Variants in CHM observed in about 807,000 individuals in gnomAD.
CHM encodes rab proteins geranylgeranyltransferase component A 1.
A neutral mutation model predicts 49.0 loss-of-function variants in CHM; 10 were observed. That is an observed-to-expected ratio of 0.20 (90% CI 0.13 to 0.35). The LOEUF is 0.35. Ranked by LOEUF, CHM falls within the 10% of genes least tolerant of loss-of-function variation. CHM has a pLI of 1.00. For missense variants in CHM, 455 were observed against 478.4 expected, an observed-to-expected ratio of 0.95 and a Z score of 0.46; for synonymous variants, 184 against 167.5, an observed-to-expected ratio of 1.10 and a Z score of -0.76.
chrX:86,021,174 G>GTA (rs5902894), intron 2 of CHM, among the ~76,000 whole-genome samples: 102 of 69,342 alleles, frequency 1.5e-3, no homozygotes, highest in Non-Finnish European at 1.6e-3. Context: ...ATATATATGT[G>GTA]TATATATATA....
intron 2 of CHM, among the ~76,000 whole-genome samples, chrX:86,015,654 C>T (rs1480099803): frequency 8.9e-6 from 1 of 111,872 alleles, no homozygotes; most frequent in Non-Finnish European, 1.9e-5. Flanking sequence ...AAGGTCTGGG[C>T]GGAGGTGGCC....
chrX:85,997,120 C>A (rs1384897427), intron 2 of CHM, among the ~76,000 whole-genome samples: 1 of 111,579 alleles, frequency 9.0e-6, no homozygotes, highest in East Asian at 2.8e-4. Flanking sequence ...ATTTGTATTT[C>A]AAACATTTTC....
chrX:85,885,777 G>A (rs1231286890), intron 12 of CHM, among the ~76,000 whole-genome samples: 1 of 110,744 alleles, frequency 9.0e-6, no homozygotes, highest in African/African-American at 3.3e-5. Context: ...TAGGGCAAGG[G>A]AAGGCACTTG....
At chrX:85,866,891 C>T (rs1012272623) in intron 14 of CHM, among the ~76,000 whole-genome samples, 35 of 112,853 alleles carry the variant, frequency 3.1e-4, no homozygotes, top group African/African-American at 9.0e-4. Flanking sequence ...ATGCCTATAC[C>T]CCATCGTATC....
chrX:86,011,294 A>G (rs374278109), intron 2 of CHM, among the ~76,000 whole-genome samples: 1 of 111,759 alleles, frequency 8.9e-6, no homozygotes, highest in East Asian at 2.8e-4. Context: ...ATTATCAAAT[A>G]AGCCATCACT....
intron 2 of CHM, among the ~76,000 whole-genome samples, chrX:85,999,786 T>C (rs949956814): frequency 3.6e-5 from 4 of 111,986 alleles, no homozygotes; most frequent in African/African-American, 1.3e-4. Flanking sequence ...CACACAAAAA[T>C]AGAGCTCCCT....
chrX:86,007,306 C>T (rs140623045), intron 2 of CHM, among the ~76,000 whole-genome samples: 2 of 111,553 alleles, frequency 1.8e-5, no homozygotes. Context: ...CCATAAAAAC[C>T]CTAAAAGAAA....
At chrX:86,004,121 C>T (rs985357847) in intron 2 of CHM, among the ~76,000 whole-genome samples, 10 of 111,592 alleles carry the variant, frequency 9.0e-5, no homozygotes, top group Admixed American at 6.7e-4. Context: ...CATTCTTAAA[C>T]GAAAGAATTT....
chrX:85,991,994 T>A (rs1932219429), intron 2 of CHM, among the ~76,000 whole-genome samples: 1 of 111,590 alleles, frequency 9.0e-6, no homozygotes, highest in African/African-American at 3.3e-5. Flanking sequence ...CTCTCTCAGC[T>A]AGGAAATGGC....
At chrX:86,037,001 A>G (rs1934273334) in intron 1 of CHM, among the ~76,000 whole-genome samples, 1 of 111,505 alleles carries the variant, frequency 9.0e-6, no homozygotes. Context: ...ATCTAAATGG[A>G]GAAAACTACA....
intron 1 of CHM, among the ~76,000 whole-genome samples, chrX:86,035,787 A>ATTTT (rs1172786407): frequency 1.2e-4 from 9 of 76,774 alleles, no homozygotes; most frequent in Non-Finnish European, 1.5e-4. Flanking sequence ...AAAAGAGTTC[A>ATTTT]TTTTTTTTTT....
intron 9 of CHM, among the ~76,000 whole-genome samples, chrX:85,902,598 TC>T (rs1433254444): frequency 1.8e-5 from 2 of 111,538 alleles, no homozygotes; most frequent in Non-Finnish European, 3.8e-5. Flanking sequence ...ACATACCTCC[TC>T]ATATTTCATT....
At chrX:85,916,687 G>A (rs1363456142) in intron 8 of CHM, among the ~76,000 whole-genome samples, 1 of 112,380 alleles carries the variant, frequency 8.9e-6, no homozygotes, top group East Asian at 2.8e-4. Context: ...ACAAGCATAT[G>A]GAAAAAAGTT....
intron 8 of CHM, among the ~76,000 whole-genome samples, chrX:85,950,008 T>TATATATATATATATATATA (rs1929654714): frequency 1.1e-5 from 1 of 87,805 alleles, no homozygotes; most frequent in African/African-American, 4.3e-5. Context: ...TATATATATA[T>TATATATATATATATATATA]ATCTTGTAAT....
chrX:85,864,527 A>G lies in CHM; in HGVS notation c.*103T>C, dbSNP rs1923566415. Reference sequence around the variant, plus strand: ...TTTCTATTACCTATTTTGCCTTATAATTGCTGCTGCTTTCTAACATTTCTC... The same window carrying G: ...TTTCTATTACCTATTTTGCCTTATAGTTGCTGCTGCTTTCTAACATTTCTC... On this transcript the variant is annotated 3_prime_UTR_variant, in exon 15 of 15. Transcript: ENST00000357749. 1.4e-6 allele frequency: 1 copy of G among 739,368 alleles called. No homozygotes were observed. Among genetic ancestry groups the G allele is most frequent in the African/African-American group, 2.1e-5 (1 of 47,568 alleles). 60.9% of individuals were successfully genotyped at this position (739,368 alleles called of 1,213,427 possible).
At chrX:85,942,012 C>T (rs983207223) in intron 8 of CHM, among the ~76,000 whole-genome samples, 1 of 111,371 alleles carries the variant, frequency 9.0e-6, no homozygotes, top group Non-Finnish European at 1.9e-5. Context: ...GTACTATTAT[C>T]CCACCAAAAA....
intron 4 of CHM, among the ~76,000 whole-genome samples, chrX:85,978,316 T>C (rs1931394185): frequency 9.0e-6 from 1 of 111,537 alleles, no homozygotes; most frequent in Non-Finnish European, 1.9e-5. Context: ...CTAAGAAAGA[T>C]GATATAGTTG....
intron 8 of CHM, among the ~76,000 whole-genome samples, chrX:85,935,046 G>C (rs1314793116): frequency 8.9e-6 from 1 of 111,822 alleles, no homozygotes; most frequent in Non-Finnish European, 1.9e-5. Flanking sequence ...TTATAAAGCA[G>C]TTTATTTGGC....
At chrX:85,962,569 G>C (rs928952042) in intron 5 of CHM, among the ~76,000 whole-genome samples, 4 of 112,000 alleles carry the variant, frequency 3.6e-5, no homozygotes, top group African/African-American at 1.3e-4. Flanking sequence ...CTATCACTTG[G>C]AACTTGAAGA....
Sources: allele counts gnomAD v4.1 joint callset (sites outside exome capture counted in the v4.1 genomes callset), GRCh38; gene constraint gnomAD v4.1.1; transcripts MANE v1.5; gene names NCBI Gene and HGNC (gene_info 2026-07-23, HGNC 2026-07-21).